The following KLF12 variants were observed in gnomAD, a reference collection of about 807,000 sequenced individuals.
KLF12 encodes the protein Krueppel-like factor 12.
A neutral mutation model predicts 37.8 loss-of-function variants in KLF12; 9 were observed. The observed-to-expected ratio is 0.24, with a 90% CI of 0.14 to 0.42. The LOEUF is 0.42. Among genes scored for constraint, KLF12 ranks in the 10% least tolerant of loss-of-function variants. KLF12 has a pLI of 1.00. For synonymous variants in KLF12, 208 were observed against 202.1 expected, an observed-to-expected ratio of 1.03 and a Z score of -0.25; for missense variants, 411 against 516.0, an observed-to-expected ratio of 0.80 and a Z score of 1.97.
At chr13:74,074,937 G>C (rs1874481307) in intron 1 of KLF12, among the ~76,000 whole-genome samples, 1 of 152,226 alleles carries the variant, frequency 6.6e-6, no homozygotes, top group Admixed American at 6.5e-5. Context: ...CAGCACAGCA[G>C]TATGCCAAGA....
chr13:74,248,826 C>T, the KLF12 span, among the ~76,000 whole-genome samples: 84 of 152,134 alleles, frequency 5.5e-4, no homozygotes, highest in Admixed American at 2.0e-3. Context: ...AGCAAACCAC[C>T]GCAGAACCAA....
the KLF12 span, among the ~76,000 whole-genome samples, chr13:74,261,749 G>A: frequency 3.3e-5 from 5 of 152,084 alleles, no homozygotes; most frequent in African/African-American, 1.2e-4. Flanking sequence ...ATTTCTTTGG[G>A]CAGCATGGAT....
intron 3 of KLF12, among the ~76,000 whole-genome samples, chr13:73,870,231 T>C (rs1179217811): frequency 6.6e-6 from 1 of 152,204 alleles, no homozygotes; most frequent in African/African-American, 2.4e-5. Context: ...CAGCGTCAGT[T>C]TTCCCTGATT....
chr13:74,245,024 G>A, the KLF12 span, among the ~76,000 whole-genome samples: 1 of 152,204 alleles, frequency 6.6e-6, no homozygotes, highest in African/African-American at 2.4e-5. Context: ...TCTGATGGTA[G>A]CCCTGGAAGA....
chr13:73,851,918 G>GGT (rs1325672209), intron 3 of KLF12, among the ~76,000 whole-genome samples: 1 of 152,156 alleles, frequency 6.6e-6, no homozygotes, highest in Non-Finnish European at 1.5e-5. Flanking sequence ...GTGCACAGTA[G>GGT]GTACATGGCT....
chr13:73,850,788 T>C (rs955522956), intron 3 of KLF12, among the ~76,000 whole-genome samples: 1 of 152,230 alleles, frequency 6.6e-6, no homozygotes, highest in Non-Finnish European at 1.5e-5. Context: ...TTTAAATAAA[T>C]TATGTTCCAT....
At chr13:73,788,164 T>C (rs988679507) in intron 5 of KLF12, among the ~76,000 whole-genome samples, 3 of 152,222 alleles carry the variant, frequency 2.0e-5, no homozygotes, top group Non-Finnish European at 4.4e-5. Context: ...TTGTTCATTA[T>C]GTATTGGGTT....
chr13:73,869,026 ATTTC>A (rs1008900840), intron 3 of KLF12, among the ~76,000 whole-genome samples: 15 of 152,250 alleles, frequency 9.9e-5, no homozygotes, highest in East Asian at 7.7e-4. Context: ...ATAAATTATT[ATTTC>A]TTTATCTGAT....
intron 7 of KLF12, among the ~76,000 whole-genome samples, chr13:73,704,531 C>G (rs1874786777): frequency 6.6e-6 from 1 of 152,178 alleles, no homozygotes; most frequent in African/African-American, 2.4e-5. Context: ...CAGTTTATCC[C>G]CACAGTGGTG....
the KLF12 span, among the ~76,000 whole-genome samples, chr13:74,279,502 A>G: frequency 5.0e-5 from 7 of 138,638 alleles, no homozygotes; most frequent in Non-Finnish European, 4.6e-5. Context: ...GGTTTGAAAT[A>G]AACAGAAATT....
At chr13:74,249,785 T>A in the KLF12 span, among the ~76,000 whole-genome samples, 2 of 152,204 alleles carry the variant, frequency 1.3e-5, no homozygotes, top group African/African-American at 4.8e-5. Flanking sequence ...GAGAATTTTT[T>A]AATATATGAA....
chr13:73,976,881 CA>C (rs896183367), intron 2 of KLF12, among the ~76,000 whole-genome samples: 1 of 151,876 alleles, frequency 6.6e-6, no homozygotes, highest in Non-Finnish European at 1.5e-5. Context: ...TTTAGAAACA[CA>C]AGGAGAAAGT....
chr13:74,110,981 C>T (rs1301899253), intron 1 of KLF12, among the ~76,000 whole-genome samples: 1 of 151,784 alleles, frequency 6.6e-6, no homozygotes, highest in Non-Finnish European at 1.5e-5. Context: ...GGTGAAACCC[C>T]GTCTCCACTA....
At chr13:74,210,998 G>A in the KLF12 span, among the ~76,000 whole-genome samples, 5 of 152,176 alleles carry the variant, frequency 3.3e-5, no homozygotes, top group Admixed American at 2.6e-4. Context: ...GCACAGTCCT[G>A]TAGCCCAGAG....
intron 1 of KLF12, among the ~76,000 whole-genome samples, chr13:74,111,689 A>AGTTTT (rs1876981500): frequency 6.7e-6 from 1 of 149,842 alleles, no homozygotes; most frequent in African/African-American, 2.4e-5. Context: ...TCAATAGAAC[A>AGTTTT]TCTCACATTG....
chr13:74,168,461 C>T, the KLF12 span, among the ~76,000 whole-genome samples: 423 of 152,330 alleles, frequency 2.8e-3, 5 homozygotes, highest in African/African-American at 9.2e-3. Flanking sequence ...TCTGCCCAGT[C>T]CTCATGCCAA....
At chr13:73,710,012 C>T (rs1283284026) in intron 7 of KLF12, among the ~76,000 whole-genome samples, 1 of 151,884 alleles carries the variant, frequency 6.6e-6, no homozygotes, top group African/African-American at 2.4e-5. Flanking sequence ...AATAATGGGC[C>T]CAAATCAAGA....
intron 1 of KLF12, among the ~76,000 whole-genome samples, chr13:74,109,820 G>A (rs1593907813): frequency 6.6e-6 from 1 of 152,040 alleles, no homozygotes; most frequent in East Asian, 1.9e-4. Flanking sequence ...AGTATCTATA[G>A]AACTGAAATT....
chr13:74,174,849 A>C, the KLF12 span, among the ~76,000 whole-genome samples: 2 of 152,242 alleles, frequency 1.3e-5, no homozygotes, highest in East Asian at 3.8e-4. Context: ...AAGGAACCAA[A>C]TCTATTTGAT....
Sources: allele counts gnomAD v4.1 joint callset (sites outside exome capture counted in the v4.1 genomes callset), GRCh38; gene constraint gnomAD v4.1.1; transcripts MANE v1.5; gene names NCBI Gene and HGNC (gene_info 2026-07-23, HGNC 2026-07-21).